The following PCLO variants were observed in gnomAD, a reference collection of about 807,000 sequenced individuals.
PCLO encodes piccolo presynaptic cytomatrix protein.
PCLO carries 82 observed loss-of-function variants against 427.5 expected under a neutral mutation model. The observed-to-expected ratio is 0.19, with a 90% CI of 0.16 to 0.23. The LOEUF (loss-of-function observed/expected upper bound fraction) is 0.23, where lower values mean the gene tolerates loss of function less well. PCLO is among the 10% of genes least tolerant of loss of function. The pLI is 1.00. For missense variants in PCLO, 6,239 were observed against 6,115.9 expected (o/e 1.02, Z -0.67); for synonymous variants, 2,357 against 2,155.4 (o/e 1.09, Z -2.59).
chr7:82,802,150 T>C (rs4395838), intron 21 of PCLO, among the ~76,000 whole-genome samples: 122,087 of 151,666 alleles, frequency 0.8, 49,453 homozygotes, highest in East Asian at 0.93. Context: ...TTGGTCTCTG[T>C]TTCTGGCTTT....
intron 22 of PCLO, among the ~76,000 whole-genome samples, chr7:82,768,350 G>A (rs1193847429): frequency 6.6e-6 from 1 of 151,696 alleles, no homozygotes; most frequent in Non-Finnish European, 1.5e-5. Context: ...CTGAACCTGG[G>A]AGGCAGAGGT....
chr7:83,053,089 A>G (rs1263910275), intron 3 of PCLO, among the ~76,000 whole-genome samples: 4 of 151,934 alleles, frequency 2.6e-5, no homozygotes, highest in Non-Finnish European at 5.9e-5. Flanking sequence ...CCTCTTTGGC[A>G]TTACAGATTT....
rs1463985173 is a variant in PCLO at position 82,802,239 on chromosome 7, TA to T, written c.14934-649del. ...TCCTTTTGTGATATAAAGATAATAATATTAGCTACATTTTGATTATGAAAAA... is the reference window on the plus strand; with the variant it reads ...TCCTTTTGTGATATAAAGATAATAATTTAGCTACATTTTGATTATGAAAAA... On this transcript the variant is annotated intron_variant, in intron 21 of 24. Transcript: ENST00000333891. Among the ~76,000 whole-genome samples the T allele has an allele frequency of 8.6e-5, 11 of 127,770 alleles. No homozygotes were observed. In the East Asian group the frequency reaches 2.7e-3, roughly 32 times the overall value. 83.8% of individuals were successfully genotyped at this position (127,770 alleles called of 152,430 possible).
intron 22 of PCLO, among the ~76,000 whole-genome samples, chr7:82,785,638 A>G (rs1261718961): frequency 1.3e-5 from 2 of 152,166 alleles, no homozygotes; most frequent in African/African-American, 2.4e-5. Flanking sequence ...CAGGAGCAAG[A>G]GAAAACTTCC....
intron 2 of PCLO, among the ~76,000 whole-genome samples, chr7:83,151,668 T>C (rs889082231): frequency 1.3e-5 from 2 of 152,194 alleles, no homozygotes; most frequent in Non-Finnish European, 2.9e-5. Context: ...GCTCACATAC[T>C]TCACCTTTCA....
chr7:83,146,086 C>T (rs2116653850), intron 2 of PCLO, among the ~76,000 whole-genome samples: 1 of 152,314 alleles, frequency 6.6e-6, no homozygotes, highest in Middle Eastern at 3.4e-3. Context: ...GCTTCGTGCA[C>T]AGTTTGAAAT....
chr7:83,150,171 G>C (rs1436008334), intron 2 of PCLO, among the ~76,000 whole-genome samples: 1 of 152,112 alleles, frequency 6.6e-6, no homozygotes, highest in African/African-American at 2.4e-5. Flanking sequence ...AATATATCTT[G>C]AGTGAGGCTA....
At chr7:82,945,554 G>C (rs184389381) in intron 6 of PCLO, among the ~76,000 whole-genome samples, 2 of 152,254 alleles carry the variant, frequency 1.3e-5, no homozygotes, top group East Asian at 3.9e-4. Context: ...GGAAATTTGG[G>C]AACAGAGGTA....
intron 20 of PCLO, among the ~76,000 whole-genome samples, chr7:82,819,218 T>G (rs536930988): frequency 6.6e-6 from 1 of 152,274 alleles, no homozygotes; most frequent in Non-Finnish European, 1.5e-5. Flanking sequence ...GAAAGCATGC[T>G]GTGTTATCTA....
chr7:82,779,626 A>AT (rs556892530), intron 22 of PCLO, among the ~76,000 whole-genome samples: 2 of 151,932 alleles, frequency 1.3e-5, no homozygotes, highest in East Asian at 3.9e-4. Context: ...CAAACAGGAA[A>AT]TTTTTTTTCT....
chr7:82,879,679 A>G (rs768000263), intron 9 of PCLO, among the ~76,000 whole-genome samples: 2 of 152,148 alleles, frequency 1.3e-5, no homozygotes, highest in African/African-American at 4.8e-5. Flanking sequence ...GATTGACCTG[A>G]TATTAACAAG....
chr7:82,904,415 C>A (rs1034249797), intron 8 of PCLO, among the ~76,000 whole-genome samples: 33 of 151,750 alleles, frequency 2.2e-4, no homozygotes, highest in African/African-American at 8.0e-4. Context: ...ATTTAAAAAT[C>A]TTTATTTTTT....
chr7:83,055,535 CAGTT>C (rs1415485867), intron 3 of PCLO, among the ~76,000 whole-genome samples: 6 of 151,960 alleles, frequency 3.9e-5, no homozygotes, highest in African/African-American at 1.2e-4. Flanking sequence ...TTGTCTCTAT[CAGTT>C]AGACACTGTT....
rs921898723 is a variant in PCLO at position 83,012,569 on chromosome 7, A to G, written c.3301-46082T>C. Among the ~76,000 whole-genome samples, 3 of 147,130 alleles carry G rather than the reference A, an allele frequency of 2.0e-5. No individual in the cohort carries two copies. In the East Asian group the frequency reaches 6.2e-4, roughly 30 times the overall value. ...GAGGCAGAGGTTGCGGTGAGCCGAG[A>G]TCGCACAATTGCACTCCAGCCTGGG... On this transcript the variant is annotated intron_variant, in intron 3 of 24. Coordinates refer to ENST00000333891, the MANE Select transcript of PCLO (RefSeq NM_033026.6).
chr7:82,993,192 T>G (rs2115854917), intron 3 of PCLO, among the ~76,000 whole-genome samples: 1 of 152,170 alleles, frequency 6.6e-6, no homozygotes, highest in East Asian at 1.9e-4. Context: ...TTATAAAATT[T>G]CTTATATTGG....
intron 20 of PCLO, among the ~76,000 whole-genome samples, chr7:82,812,023 T>C (rs1302342135): frequency 6.6e-6 from 1 of 151,390 alleles, no homozygotes; most frequent in Non-Finnish European, 1.5e-5. Context: ...AAAATAAAAA[T>C]ATTTCCCTTA....
chr7:82,837,372 A>T (rs1792256390), intron 15 of PCLO, among the ~76,000 whole-genome samples: 1 of 152,028 alleles, frequency 6.6e-6, no homozygotes, highest in Non-Finnish European at 1.5e-5. Context: ...CCACAAATTA[A>T]AATGAAAATG....
chr7:83,044,849 G>A (rs546995274), intron 3 of PCLO, among the ~76,000 whole-genome samples: 69 of 152,214 alleles, frequency 4.5e-4, no homozygotes, highest in African/African-American at 1.5e-3. Context: ...GGTGTCGTGG[G>A]TTGGGAGAAT....
intron 2 of PCLO, among the ~76,000 whole-genome samples, chr7:83,152,347 A>T (rs1199464531): frequency 6.6e-6 from 1 of 152,214 alleles, no homozygotes; most frequent in African/African-American, 2.4e-5. Context: ...TTGAGAGAAG[A>T]CTGCATATCT....
Sources: allele counts gnomAD v4.1 joint callset (sites outside exome capture counted in the v4.1 genomes callset), GRCh38; gene constraint gnomAD v4.1.1; transcripts MANE v1.5; gene names NCBI Gene and HGNC (gene_info 2026-07-23, HGNC 2026-07-21).